The following MAPK4 variants were observed in gnomAD, a reference collection of about 807,000 sequenced individuals.
The protein encoded by MAPK4 is mitogen-activated protein kinase 4, also known as Erk3-related.
MAPK4 carries 22 observed loss-of-function variants against 47.7 expected under a neutral mutation model. That is an observed-to-expected ratio of 0.46 (90% confidence interval 0.33 to 0.66). The LOEUF (loss-of-function observed/expected upper bound fraction) is 0.66. Ranked by LOEUF, MAPK4 falls within the 30% of genes least tolerant of loss-of-function variation. The pLI is 0.02. For synonymous variants in MAPK4, 390 were observed against 365.7 expected, an observed-to-expected ratio of 1.07 and a Z score of -0.76; for missense variants, 736 against 831.7, an observed-to-expected ratio of 0.88 and a Z score of 1.42.
chr18:50,720,789 A>G (rs953180906), intron 3 of MAPK4, among the ~76,000 whole-genome samples: 1 of 152,140 alleles, frequency 6.6e-6, no homozygotes, highest in African/African-American at 2.4e-5. Context: ...AACTGACCCA[A>G]TGAGTCCACT....
chr18:50,692,455 C>T (rs946051538), intron 2 of MAPK4, among the ~76,000 whole-genome samples: 26 of 152,132 alleles, frequency 1.7e-4, no homozygotes, highest in Non-Finnish European at 4.4e-5. Context: ...GTAGCAGGGA[C>T]GAGCCCTGGT....
rs529966376 is a variant in MAPK4, at chr18:50,727,313, G to A, written c.1067+1138G>A. On this transcript the variant is annotated intron_variant, in intron 5 of 5. Coordinates refer to ENST00000400384, the MANE Select transcript of MAPK4 (RefSeq NM_002747.4). ...GGGCCTAACTGGGAGTCCCACTGCCGGGGGAATGTGACAGCTAGTTACATA... is the reference window on the plus strand; with the variant it reads ...GGGCCTAACTGGGAGTCCCACTGCCAGGGGAATGTGACAGCTAGTTACATA... 3.3e-5 allele frequency among the ~76,000 whole-genome samples: 5 copies of A among 152,254 alleles called. No individual in the cohort carries two copies. The East Asian group carries it at 5.8e-4, about 18-fold the overall frequency.
chr18:50,715,001 AG>A, intron 2 of MAPK4, 77 bp from the exon 3 acceptor site: 1 of 1,431,320 alleles, frequency 7.0e-7, no homozygotes, highest in Non-Finnish European at 9.6e-7. Flanking sequence ...GTTTCATGGG[AG>A]GGGAAACTGG....
rs1568094389 is a variant in MAPK4 at position 50,715,238 on chromosome 18, A to G, written c.691+15A>G. 3.1e-6 allele frequency: 5 copies of G among 1,610,242 alleles called. No individual in the cohort carries two copies. The highest frequency in any genetic ancestry group is 1.7e-5 in the Admixed American group (1 of 59,262). On this transcript the variant is annotated intron_variant, in intron 3 of 5. Coordinates refer to ENST00000400384, the MANE Select transcript of MAPK4 (RefSeq NM_002747.4). ...GCTCTTTGCTGGTGAGTTGCTAACT[A>G]TGCCACCTTCCTTCTCATCTGGCGT... is the stretch of plus-strand genomic sequence containing the variant.
At chr18:50,658,467 T>C (rs1486259510) in intron 1 of MAPK4, among the ~76,000 whole-genome samples, 1 of 152,212 alleles carries the variant, frequency 6.6e-6, no homozygotes, top group Non-Finnish European at 1.5e-5. Context: ...TGGAGCTCCA[T>C]GGAGGACGAT....
intron 1 of MAPK4, among the ~76,000 whole-genome samples, chr18:50,582,008 G>A (rs957604912): frequency 6.6e-6 from 1 of 152,164 alleles, no homozygotes; most frequent in Non-Finnish European, 1.5e-5. Flanking sequence ...TCTGCTGGAG[G>A]GTTAGAGCCC....
At chr18:50,672,558 C>T (rs1308319964) in intron 2 of MAPK4, among the ~76,000 whole-genome samples, 1 of 152,118 alleles carries the variant, frequency 6.6e-6, no homozygotes, top group Non-Finnish European at 1.5e-5. Context: ...AGAGGCTCTT[C>T]CCTCTGTCCC....
intron 1 of MAPK4, among the ~76,000 whole-genome samples, chr18:50,565,519 T>C (rs920140700): frequency 6.6e-6 from 1 of 152,226 alleles, no homozygotes; most frequent in Non-Finnish European, 1.5e-5. Flanking sequence ...GGATGAGATG[T>C]CCTTGCATTA....
chr18:50,600,499 G>A (rs780125860), intron 1 of MAPK4, among the ~76,000 whole-genome samples: 31 of 152,228 alleles, frequency 2.0e-4, no homozygotes, highest in Middle Eastern at 6.8e-3. Context: ...ACAAAATGAC[G>A]GGAGTGGTGA....
At chr18:50,703,491 G>C (rs1246830527) in intron 2 of MAPK4, among the ~76,000 whole-genome samples, 2 of 152,152 alleles carry the variant, frequency 1.3e-5, no homozygotes. Flanking sequence ...CAGGATAAGT[G>C]GGGGAGGCAG....
intron 2 of MAPK4, among the ~76,000 whole-genome samples, chr18:50,714,748 A>G (rs1359712221): frequency 6.6e-6 from 1 of 152,216 alleles, no homozygotes; most frequent in Non-Finnish European, 1.5e-5. Context: ...CTGTTTCTCC[A>G]TCTTCTTACT....
intron 2 of MAPK4, among the ~76,000 whole-genome samples, chr18:50,688,435 G>A (rs1909010974): frequency 6.6e-6 from 1 of 152,160 alleles, no homozygotes; most frequent in African/African-American, 2.4e-5. Flanking sequence ...GGCCCCACTG[G>A]GGAACATGAC....
intron 1 of MAPK4, among the ~76,000 whole-genome samples, chr18:50,635,203 A>G (rs1045942206): frequency 5.3e-5 from 8 of 152,244 alleles, no homozygotes; most frequent in African/African-American, 1.4e-4. Context: ...AAATGACTTC[A>G]ACCAACAGGA....
At chr18:50,565,637 G>A (rs2042192346) in intron 1 of MAPK4, among the ~76,000 whole-genome samples, 1 of 152,118 alleles carries the variant, frequency 6.6e-6, no homozygotes, top group South Asian at 2.1e-4. Context: ...GCTGCATGTG[G>A]GACTGTGAAA....
At chr18:50,598,089 G>A (rs9960842) in intron 1 of MAPK4, among the ~76,000 whole-genome samples, 6,154 of 152,178 alleles carry the variant, frequency 0.04, 448 homozygotes, top group African/African-American at 0.14. Flanking sequence ...GGGCCTTCAC[G>A]GCCCCTCCAA....
At chr18:50,572,936 A>C (rs564139569) in intron 1 of MAPK4, among the ~76,000 whole-genome samples, 1 of 152,332 alleles carries the variant, frequency 6.6e-6, no homozygotes, top group African/African-American at 2.4e-5. Flanking sequence ...TATTTGAAAT[A>C]AGATCTTTCC....
intron 1 of MAPK4, among the ~76,000 whole-genome samples, chr18:50,609,414 G>T (rs920335062): frequency 6.6e-6 from 1 of 151,708 alleles, no homozygotes; most frequent in African/African-American, 2.4e-5. Flanking sequence ...CCCGGACGGG[G>T]CGGCGAGATA....
chr18:50,655,912 C>CCTGTGTCCA (rs2043104949), intron 1 of MAPK4, among the ~76,000 whole-genome samples: 1 of 152,152 alleles, frequency 6.6e-6, no homozygotes, highest in African/African-American at 2.4e-5. Context: ...TGGAGCCATT[C>CCTGTGTCCA]CTGTGTCCAC....
intron 1 of MAPK4, among the ~76,000 whole-genome samples, chr18:50,628,469 C>T (rs999338141): frequency 5.3e-5 from 8 of 152,132 alleles, no homozygotes; most frequent in Non-Finnish European, 8.8e-5. Flanking sequence ...TTTGGGGGCC[C>T]GTTAAGCACA....
Sources: gnomAD v4.1 joint callset for allele counts (sites outside exome capture counted in the v4.1 genomes callset) on GRCh38, gnomAD v4.1.1 for gene constraint, MANE v1.5 for transcripts, NCBI Gene and HGNC (gene_info 2026-07-23, HGNC 2026-07-21) for gene names.